The following NRXN1 variants were observed in gnomAD, a reference collection of about 807,000 sequenced individuals.
NRXN1 encodes the protein neurexin-1.
Under a neutral mutation model 150.9 loss-of-function variants are expected in NRXN1, and 39 were observed. That is an observed-to-expected ratio of 0.26 (90% CI 0.20 to 0.34). The LOEUF (loss-of-function observed/expected upper bound fraction) is 0.34. NRXN1 is among the 10% of genes least tolerant of loss of function. The pLI is 1.00. For missense variants in NRXN1, 1,815 were observed against 1,949.9 expected (o/e 0.93, Z 1.30); for synonymous variants, 924 against 757.0 (o/e 1.22, Z -3.62).
intron 18 of NRXN1, among the ~76,000 whole-genome samples, chr2:50,228,751 G>C (rs2064652504): frequency 6.6e-6 from 1 of 151,788 alleles, no homozygotes; most frequent in Non-Finnish European, 1.5e-5. Flanking sequence ...TTCTTTATTG[G>C]GCAGGAAGGA....
chr2:50,889,244 T>C (rs986299356), intron 5 of NRXN1, among the ~76,000 whole-genome samples: 10 of 151,750 alleles, frequency 6.6e-5, no homozygotes, highest in African/African-American at 2.4e-4. Flanking sequence ...GTGCCCTCTT[T>C]CTTTCTGACT....
chr2:50,231,261 AT>A (rs2064912537), intron 18 of NRXN1, among the ~76,000 whole-genome samples: 1 of 152,050 alleles, frequency 6.6e-6, no homozygotes, highest in African/African-American at 2.4e-5. Flanking sequence ...AACTGGGTTT[AT>A]CTTGTTGATA....
At chr2:50,562,013 T>C (rs1669161423) in intron 8 of NRXN1, among the ~76,000 whole-genome samples, 1 of 152,224 alleles carries the variant, frequency 6.6e-6, no homozygotes, top group South Asian at 2.1e-4. Flanking sequence ...CAAAAAACTT[T>C]TCAATCTCCT....
intron 5 of NRXN1, among the ~76,000 whole-genome samples, chr2:50,792,363 G>A (rs535841644): frequency 3.3e-5 from 5 of 152,130 alleles, no homozygotes; most frequent in African/African-American, 1.2e-4. Flanking sequence ...TAGAGATCAT[G>A]TCCATCTTGA....
At chr2:49,961,673 G>A (rs1193915200) in intron 21 of NRXN1, among the ~76,000 whole-genome samples, 1 of 152,110 alleles carries the variant, frequency 6.6e-6, no homozygotes, top group Non-Finnish European at 1.5e-5. Context: ...TAGCCTATAG[G>A]TCTTTACATC....
At chr2:50,513,741 G>C (rs978061842) in intron 12 of NRXN1, among the ~76,000 whole-genome samples, 1 of 151,914 alleles carries the variant, frequency 6.6e-6, no homozygotes, top group Non-Finnish European at 1.5e-5. Flanking sequence ...TGGAAGCAAA[G>C]ACCTCTAAGA....
At chr2:50,597,750 G>T (rs552319731) in intron 8 of NRXN1, among the ~76,000 whole-genome samples, 2 of 152,316 alleles carry the variant, frequency 1.3e-5, no homozygotes, top group East Asian at 3.9e-4. Context: ...ATGCTGCTCA[G>T]TGTTCAATAA....
chr2:50,154,268 T>C (rs1383630311), intron 18 of NRXN1, among the ~76,000 whole-genome samples: 2 of 151,656 alleles, frequency 1.3e-5, no homozygotes, highest in African/African-American at 4.8e-5. Context: ...TGTATACTGC[T>C]CGGGTGATGA....
intron 5 of NRXN1, among the ~76,000 whole-genome samples, chr2:50,750,030 A>G (rs533593168): frequency 2.0e-5 from 3 of 152,118 alleles, no homozygotes; most frequent in African/African-American, 4.8e-5. Context: ...GTTAGCATGG[A>G]TTCTCAGTCT....
intron 5 of NRXN1, among the ~76,000 whole-genome samples, chr2:50,650,148 G>A (rs1364879771): frequency 6.6e-6 from 1 of 151,912 alleles, no homozygotes; most frequent in Non-Finnish European, 1.5e-5. Flanking sequence ...ATGTACTGAG[G>A]GCATCATGCT....
At chr2:50,940,891 C>A (rs1405630507) in intron 2 of NRXN1, among the ~76,000 whole-genome samples, 1 of 152,150 alleles carries the variant, frequency 6.6e-6, no homozygotes, top group Non-Finnish European at 1.5e-5. Flanking sequence ...AGAAAATCAA[C>A]AAACAAGTTT....
chr2:50,173,171 C>T (rs561986894), intron 18 of NRXN1, among the ~76,000 whole-genome samples: 25 of 152,218 alleles, frequency 1.6e-4, no homozygotes, highest in African/African-American at 5.3e-4. Flanking sequence ...CTATCTGGAG[C>T]ATAACTATCC....
At chr2:50,655,630 A>G (rs973151205) in intron 5 of NRXN1, among the ~76,000 whole-genome samples, 1 of 150,848 alleles carries the variant, frequency 6.6e-6, no homozygotes, top group African/African-American at 2.5e-5. Flanking sequence ...AATGAGGAAT[A>G]GTTATATTTT....
chr2:50,066,694 G>T (rs1438919512), intron 19 of NRXN1, among the ~76,000 whole-genome samples: 1 of 151,620 alleles, frequency 6.6e-6, no homozygotes, highest in Non-Finnish European at 1.5e-5. Flanking sequence ...TTCATGTCAC[G>T]AACCATGAAA....
chr2:50,988,427 T>A (rs1309724693), intron 2 of NRXN1, among the ~76,000 whole-genome samples: 1 of 152,094 alleles, frequency 6.6e-6, no homozygotes, highest in East Asian at 1.9e-4. Flanking sequence ...CTAGACAGTT[T>A]TGTTTGGACA....
intron 19 of NRXN1, among the ~76,000 whole-genome samples, chr2:50,057,144 A>AATCTC (rs1185404928): frequency 1.3e-5 from 2 of 152,136 alleles, no homozygotes; most frequent in African/African-American, 4.8e-5. Context: ...CTTAGGATAA[A>AATCTC]ATCTCAGACC....
At chr2:50,419,770 A>G (rs2083827621) in intron 17 of NRXN1, among the ~76,000 whole-genome samples, 1 of 152,002 alleles carries the variant, frequency 6.6e-6, no homozygotes, top group Admixed American at 6.6e-5. Flanking sequence ...AAAACAGAAA[A>G]TATATATTTG....
chr2:50,666,451 A>G (rs2104687441), intron 5 of NRXN1, among the ~76,000 whole-genome samples: 1 of 152,004 alleles, frequency 6.6e-6, no homozygotes. Context: ...CTTTTTAGAG[A>G]TATATGGTAG....
intron 17 of NRXN1, among the ~76,000 whole-genome samples, chr2:50,273,197 T>C (rs1033263678): frequency 4.6e-5 from 7 of 152,280 alleles, no homozygotes; most frequent in South Asian, 4.1e-4. Context: ...TGGATTCAAA[T>C]ACATTGGAGG....
Sources: allele counts gnomAD v4.1 joint callset (sites outside exome capture counted in the v4.1 genomes callset), GRCh38; gene constraint gnomAD v4.1.1; transcripts MANE v1.5; gene names NCBI Gene and HGNC (gene_info 2026-07-23, HGNC 2026-07-21).